The following TGFBRAP1 variants were observed in gnomAD, a reference collection of about 807,000 sequenced individuals.
The protein encoded by TGFBRAP1 is transforming growth factor-beta receptor-associated protein 1.
Under a neutral mutation model 83.2 loss-of-function variants are expected in TGFBRAP1, and 20 were observed. The ratio of observed to expected loss-of-function variants is 0.24; its 90% CI spans 0.17 to 0.35. TGFBRAP1 has a LOEUF of 0.35. Ranked by LOEUF, TGFBRAP1 falls within the 10% of genes least tolerant of loss-of-function variation. TGFBRAP1 has a pLI of 1.00. For missense variants in TGFBRAP1, 950 were observed against 1,099.4 expected, an observed-to-expected ratio of 0.86 and a Z score of 1.92; for synonymous variants, 415 against 459.8, an observed-to-expected ratio of 0.90 and a Z score of 1.25.
At chr2:105,328,854 T>C (rs1182662666) in intron 1 of TGFBRAP1, among the ~76,000 whole-genome samples, 1 of 152,166 alleles carries the variant, frequency 6.6e-6, no homozygotes, top group African/African-American at 2.4e-5. Flanking sequence ...TCAACAGTCC[T>C]TGGGTAGAAG....
intron 2 of TGFBRAP1, among the ~76,000 whole-genome samples, chr2:105,301,842 G>A (rs370633433): frequency 4.6e-5 from 7 of 152,080 alleles, no homozygotes; most frequent in East Asian, 1.9e-4. Flanking sequence ...GGGCTCAAGC[G>A]GTCCTCCTGC....
rs184797380 is a variant in TGFBRAP1 at position 105,278,050 on chromosome 2, C to G, written c.1464-379G>C. Among the ~76,000 whole-genome samples the G allele has an allele frequency of 4.3e-3, 645 of 150,242 alleles. 4 individuals carry two copies. Among genetic ancestry groups the G allele is most frequent in the Non-Finnish European group, 7.2e-3 (490 of 67,788 alleles). On this transcript the variant is annotated intron_variant, in intron 6 of 11. Transcript: ENST00000393359. ...CTCCAGCCCGGGTGACGGAGTGAGACCCTGTCTCAAAAAATATATGTGTGT... is the reference window on the plus strand; with the variant it reads ...CTCCAGCCCGGGTGACGGAGTGAGAGCCTGTCTCAAAAAATATATGTGTGT...
At chr2:105,324,506 T>C (rs1292294530) in intron 1 of TGFBRAP1, among the ~76,000 whole-genome samples, 1 of 152,240 alleles carries the variant, frequency 6.6e-6, no homozygotes, top group Non-Finnish European at 1.5e-5. Flanking sequence ...CACTCTGGGC[T>C]ACTGGAGCCT....
intron 1 of TGFBRAP1, among the ~76,000 whole-genome samples, chr2:105,318,762 G>A (rs1678964319): frequency 6.6e-6 from 1 of 152,156 alleles, no homozygotes; most frequent in Non-Finnish European, 1.5e-5. Context: ...TACCCTAGAA[G>A]GTAAAGGGAA....
chr2:105,268,467 C>A (rs1212465194), intron 11 of TGFBRAP1, among the ~76,000 whole-genome samples: 2 of 152,166 alleles, frequency 1.3e-5, no homozygotes, highest in Non-Finnish European at 2.9e-5. Flanking sequence ...TTTGACTGGG[C>A]ATTTGCTGGG....
At chr2:105,304,352 T>C (rs1250291737) in intron 2 of TGFBRAP1, among the ~76,000 whole-genome samples, 1 of 152,234 alleles carries the variant, frequency 6.6e-6, no homozygotes, top group African/African-American at 2.4e-5. Flanking sequence ...AGTTTACATA[T>C]GTTTTCTACA....
the TGFBRAP1 span, among the ~76,000 whole-genome samples, chr2:105,253,995 A>T: frequency 6.6e-6 from 1 of 151,260 alleles, no homozygotes; most frequent in South Asian, 2.1e-4. Context: ...TCTGGTGGCC[A>T]GGAGTTCTCC....
chr2:105,269,505 G>A lies in TGFBRAP1; in HGVS notation c.2173C>T (p.His725Tyr), dbSNP rs1677073068. ...LFHTLLAIYL[H>Y]AGPTAHELAV... ...AGCTCGTGGGCAGTGGGGCCAGCAT[G>A]CAGGTAGATGGCCAGCAGCGTGTGA... The change falls in exon 11 of 12, where the codon CAT becomes TAT. Residue 725 changes from histidine (H) to tyrosine (Y), a missense_variant. Transcript: ENST00000393359. This position sits in a 1 kb window ranked among gnomAD's most constrained non-coding sequence, Gnocchi z 4.1. 2.5e-6 allele frequency: 4 copies of A among 1,613,094 alleles called. No individual in the cohort carries two copies. Among genetic ancestry groups the A allele is most frequent in the South Asian group, 1.1e-5 (1 of 90,936 alleles).
the TGFBRAP1 span, among the ~76,000 whole-genome samples, chr2:105,254,846 T>C: frequency 6.6e-6 from 1 of 152,032 alleles, no homozygotes; most frequent in Non-Finnish European, 1.5e-5. Flanking sequence ...GGAAAAGAGG[T>C]AGAGACCCCA....
intron 2 of TGFBRAP1, among the ~76,000 whole-genome samples, chr2:105,300,048 C>T (rs1288173377): frequency 6.6e-6 from 1 of 152,152 alleles, no homozygotes; most frequent in Non-Finnish European, 1.5e-5. Flanking sequence ...TATTTTCAAT[C>T]GTGTACCCTT....
At chr2:105,306,707 G>A (rs1025211724) in intron 2 of TGFBRAP1, among the ~76,000 whole-genome samples, 2 of 152,096 alleles carry the variant, frequency 1.3e-5, no homozygotes, top group African/African-American at 2.4e-5. Flanking sequence ...TTGAGGCAGG[G>A]AGAATCGCTT....
At chr2:105,311,145 T>TAAAAAA (rs11389565) in intron 1 of TGFBRAP1, among the ~76,000 whole-genome samples, 2 of 125,504 alleles carry the variant, frequency 1.6e-5, no homozygotes, top group Admixed American at 8.0e-5. Context: ...GAGAGAGCTG[T>TAAAAAA]AAAAAAAAAA....
intron 5 of TGFBRAP1, among the ~76,000 whole-genome samples, chr2:105,283,103 C>T (rs1319494774): frequency 1.3e-5 from 2 of 152,172 alleles, no homozygotes; most frequent in Non-Finnish European, 2.9e-5. Flanking sequence ...CACTGTAGGG[C>T]TAACACAAGA....
chr2:105,301,429 T>A (rs1018164653), intron 2 of TGFBRAP1, among the ~76,000 whole-genome samples: 6 of 151,160 alleles, frequency 4.0e-5, no homozygotes, highest in Non-Finnish European at 7.4e-5. Flanking sequence ...TACAAAAAAA[T>A]ACAAAAAATT....
intron 1 of TGFBRAP1, among the ~76,000 whole-genome samples, chr2:105,328,984 T>C (rs1166719980): frequency 3.3e-5 from 5 of 151,894 alleles, no homozygotes; most frequent in Non-Finnish European, 7.4e-5. Flanking sequence ...AGAAAACAAT[T>C]CCACAGGGAT....
At chr2:105,259,270 G>A in the TGFBRAP1 span, among the ~76,000 whole-genome samples, 1 of 152,174 alleles carries the variant, frequency 6.6e-6, no homozygotes, top group Non-Finnish European at 1.5e-5. Context: ...TTGCTGAGGC[G>A]CTGCGCCCCG....
At chr2:105,294,267 C>A (rs1032459067) in intron 4 of TGFBRAP1, among the ~76,000 whole-genome samples, 2 of 151,330 alleles carry the variant, frequency 1.3e-5, no homozygotes, top group Non-Finnish European at 2.9e-5. Flanking sequence ...CCCTTTGAGG[C>A]AGAAATGTAG....
At chr2:105,268,344 C>T (rs1026587601) in intron 11 of TGFBRAP1, among the ~76,000 whole-genome samples, 2 of 151,980 alleles carry the variant, frequency 1.3e-5, no homozygotes, top group Non-Finnish European at 2.9e-5. Flanking sequence ...CTAATAGTAG[C>T]GGGTAACAGC....
intron 4 of TGFBRAP1, among the ~76,000 whole-genome samples, chr2:105,295,809 CAAAAA>C (rs368369527): frequency 2.7e-5 from 2 of 74,970 alleles, no homozygotes; most frequent in African/African-American, 5.4e-5. Context: ...GACTCCATCT[CAAAAA>C]AAAAAAAAAA....
Sources: allele counts gnomAD v4.1 joint callset (sites outside exome capture counted in the v4.1 genomes callset), GRCh38; gene constraint gnomAD v4.1.1; non-coding constraint Gnocchi (gnomAD v3.1); transcripts MANE v1.5; gene names NCBI Gene and HGNC (gene_info 2026-07-23, HGNC 2026-07-21).